Variants in TLN2 observed in about 807,000 individuals in gnomAD.
TLN2 encodes talin-2.
A neutral mutation model predicts 294.7 loss-of-function variants in TLN2; 118 were observed. That is an observed-to-expected ratio of 0.40 (90% CI 0.34 to 0.47). The LOEUF (loss-of-function observed/expected upper bound fraction) is 0.47, where lower values mean the gene tolerates loss of function less well. Ranked by LOEUF, TLN2 falls within the 20% of genes least tolerant of loss-of-function variation. TLN2 has a pLI of 0.84. For synonymous variants in TLN2, 1,431 were observed against 1,304.5 expected (o/e 1.10, Z -2.09); for missense variants, 3,083 against 3,282.2 (o/e 0.94, Z 1.48).
At chr15:62,750,796 C>T (rs1397540369) in intron 34 of TLN2, among the ~76,000 whole-genome samples, 1 of 152,132 alleles carries the variant, frequency 6.6e-6, no homozygotes, top group African/African-American at 2.4e-5. Context: ...GTCCAGGAAC[C>T]ATACTTTGAG....
intron 26 of TLN2, 44 bp from the exon 27 acceptor site, chr15:62,724,932 T>C (rs765620514): frequency 3.2e-6 from 5 of 1,575,438 alleles, no homozygotes; most frequent in Non-Finnish European, 3.5e-6. Context: ...GGGGACACTT[T>C]TCCCAAGCAG....
Position 62,444,450 on chromosome 15 carries a change from TA to T in TLN2, c.-238+53766del, listed in dbSNP as rs1311345748. 5.3e-5 allele frequency among the ~76,000 whole-genome samples: 8 copies of T among 152,268 alleles called. No homozygotes were observed. In the South Asian group the frequency reaches 1.0e-3, roughly 20 times the overall value. On this transcript the variant is annotated intron_variant, in intron 1 of 58. Coordinates refer to ENST00000636159, the MANE Select transcript of TLN2 (RefSeq NM_015059.3). ...CAAATTTGTGAATACTCCCATAGCATATAACTTAACCTATAAAATGGAATAA... is the reference window on the plus strand; with the variant it reads ...CAAATTTGTGAATACTCCCATAGCATTAACTTAACCTATAAAATGGAATAA...
At chr15:62,736,255 GC>G (rs2061004378) in intron 28 of TLN2, among the ~76,000 whole-genome samples, 1 of 151,656 alleles carries the variant, frequency 6.6e-6, no homozygotes, top group African/African-American at 2.4e-5. Flanking sequence ...GGGAGGCAGA[GC>G]TTGCAGTGAG....
At chr15:62,726,648 G>A (rs2060457275) in intron 27 of TLN2, among the ~76,000 whole-genome samples, 1 of 152,178 alleles carries the variant, frequency 6.6e-6, no homozygotes, top group Non-Finnish European at 1.5e-5. Flanking sequence ...AGGTGGTGCA[G>A]CTGGATGTCT....
chr15:62,696,543 C>A (rs1240047738), intron 14 of TLN2, among the ~76,000 whole-genome samples: 1 of 152,030 alleles, frequency 6.6e-6, no homozygotes, highest in African/African-American at 2.4e-5. Flanking sequence ...CCTGTCTCTA[C>A]TAAAAATACA....
intron 45 of TLN2, among the ~76,000 whole-genome samples, chr15:62,788,167 C>T (rs577531717): frequency 1.4e-4 from 21 of 151,566 alleles, no homozygotes; most frequent in African/African-American, 5.1e-4. Flanking sequence ...AAAAATTAGC[C>T]GGGCATGGTG....
intron 1 of TLN2, among the ~76,000 whole-genome samples, chr15:62,563,098 T>C (rs1203476913): frequency 6.6e-6 from 1 of 152,188 alleles, no homozygotes; most frequent in African/African-American, 2.4e-5. Context: ...TATTTTCCTC[T>C]GAGTAGATAC....
chr15:62,440,277 G>C (rs2035483512), intron 1 of TLN2, among the ~76,000 whole-genome samples: 1 of 152,168 alleles, frequency 6.6e-6, no homozygotes, highest in South Asian at 2.1e-4. Flanking sequence ...TTAATGCTGA[G>C]TTGAAACATT....
chr15:62,691,550 T>C (rs1047290761), intron 12 of TLN2, among the ~76,000 whole-genome samples: 1 of 152,240 alleles, frequency 6.6e-6, no homozygotes, highest in Non-Finnish European at 1.5e-5. Context: ...TGCTTTAAAA[T>C]CCTTATAATT....
chr15:62,473,518 C>G (rs781489444), intron 1 of TLN2, among the ~76,000 whole-genome samples: 3 of 152,178 alleles, frequency 2.0e-5, no homozygotes, highest in Non-Finnish European at 4.4e-5. Context: ...CGTAGTTGCA[C>G]TACCTATGTA....
intron 28 of TLN2, 82 bp from the exon 29 acceptor site, chr15:62,736,796 C>T (rs1449726750): frequency 1.1e-5 from 16 of 1,464,454 alleles, no homozygotes; most frequent in African/African-American, 2.8e-5. Context: ...TGTGCCAGGC[C>T]CTGGTCCAGA....
chr15:62,447,529 C>G (rs1416154385), intron 1 of TLN2, among the ~76,000 whole-genome samples: 1 of 148,206 alleles, frequency 6.7e-6, no homozygotes, highest in Non-Finnish European at 1.5e-5. Context: ...GAGTCTCGCT[C>G]TGTCGCCCAG....
intron 1 of TLN2, among the ~76,000 whole-genome samples, chr15:62,551,429 TG>T (rs959339370): frequency 2.6e-5 from 4 of 151,784 alleles, no homozygotes; most frequent in Non-Finnish European, 5.9e-5. Flanking sequence ...CTCAGCACGT[TG>T]GGAGGCCGAG....
chr15:62,625,447 A>G (rs2140872110), intron 3 of TLN2, among the ~76,000 whole-genome samples: 1 of 152,280 alleles, frequency 6.6e-6, no homozygotes, highest in Admixed American at 6.5e-5. Flanking sequence ...ATTGAATTAA[A>G]GGTAAGAAGG....
chr15:62,760,346 A>C (rs991815064), intron 37 of TLN2, among the ~76,000 whole-genome samples: 6 of 152,204 alleles, frequency 3.9e-5, no homozygotes, highest in Admixed American at 2.6e-4. Flanking sequence ...ATCGCCTTCA[A>C]ACCAACGGTG....
intron 1 of TLN2, among the ~76,000 whole-genome samples, chr15:62,562,306 A>C (rs1222996209): frequency 6.6e-6 from 1 of 152,170 alleles, no homozygotes; most frequent in Non-Finnish European, 1.5e-5. Context: ...CAAGGAGCCC[A>C]GTAACTGTGC....
chr15:62,726,954 T>A, intron 27 of TLN2, 133 bp from the exon 28 acceptor site: 1 of 874,998 alleles, frequency 1.1e-6, no homozygotes, highest in Non-Finnish European at 1.8e-6. Context: ...ACCACCCTGC[T>A]GCGGCTTAGT....
Position 62,716,407 on chromosome 15 carries a change from C to T in TLN2, c.2711C>T (p.Thr904Ile), listed in dbSNP as rs765775319. ...REAAEGLRVA[T>I]NAAAQNAIKK... ...GCTGCAGAAGGCCTCCGGGTAGCAA[C>T]CAACGCAGCTGCCCAGAATGCTATT... Residue 904 changes from threonine to isoleucine, a missense_variant, in exon 23 of 59, where the codon ACC (threonine) becomes ATC (isoleucine). By Grantham distance (89) the Thr-to-Ile change is moderately conservative. Coordinates refer to ENST00000636159, the MANE Select transcript of TLN2 (RefSeq NM_015059.3). The T allele has an allele frequency of 5.0e-6, 8 of 1,611,934 alleles. No individual in the cohort carries two copies. The highest frequency in any genetic ancestry group is 5.9e-6 in the Non-Finnish European group (7 of 1,179,178).
At chr15:62,478,867 G>T (rs1317111861) in intron 1 of TLN2, among the ~76,000 whole-genome samples, 2 of 152,192 alleles carry the variant, frequency 1.3e-5, no homozygotes, top group African/African-American at 4.8e-5. Flanking sequence ...TCATGTATAT[G>T]CTTAGTTCTG....
Sources: allele counts gnomAD v4.1 joint callset (sites outside exome capture counted in the v4.1 genomes callset), GRCh38; gene constraint gnomAD v4.1.1; transcripts MANE v1.5; gene names NCBI Gene and HGNC (gene_info 2026-07-23, HGNC 2026-07-21).